Variants in INTS4 observed in about 807,000 individuals in gnomAD.
INTS4 encodes the protein integrator complex subunit 4, also known as MSTP093.
Under a neutral mutation model 119.5 loss-of-function variants are expected in INTS4, and 70 were observed. The ratio of observed to expected loss-of-function variants is 0.59; its 90% CI spans 0.48 to 0.71. The LOEUF is 0.71. Ranked by LOEUF, INTS4 falls within the 30% of genes least tolerant of loss-of-function variation. The probability of loss-of-function intolerance (pLI) is 0.00; values close to 1 mark genes in which losing one functional copy is unlikely to be tolerated. For missense variants in INTS4, 867 were observed against 1,173.2 expected, an observed-to-expected ratio of 0.74 and a Z score of 3.81; for synonymous variants, 316 against 419.6, an observed-to-expected ratio of 0.75 and a Z score of 3.02.
chr11:77,929,089 A>G (rs1398216968), intron 10 of INTS4, among the ~76,000 whole-genome samples: 1 of 151,928 alleles, frequency 6.6e-6, no homozygotes, highest in African/African-American at 2.4e-5. Flanking sequence ...GCCATACACC[A>G]AAGTCCCAGC....
At chr11:77,919,039 C>T (rs1047691613) in intron 14 of INTS4, 61 bp from the exon 15 acceptor site, 273 of 1,557,074 alleles carry the variant, frequency 1.8e-4, no homozygotes, top group Non-Finnish European at 2.3e-4. Context: ...GTAACACACA[C>T]ACAAACACAT....
intron 18 of INTS4, among the ~76,000 whole-genome samples, chr11:77,900,353 C>A (rs113633525): frequency 2.0e-5 from 3 of 152,248 alleles, no homozygotes; most frequent in East Asian, 1.9e-4. Flanking sequence ...CCCACCTTGG[C>A]CTCCCAAAGT....
chr11:77,877,110 C>T (rs796526678), downstream of INTS4: 19 of 695,176 alleles, frequency 2.7e-5, no homozygotes, highest in East Asian at 2.7e-4. Context: ...GTCCCTCTTT[C>T]GCACTCATGA....
In INTS4 at chr11:77,894,325, A is replaced by G; in HGVS notation, c.2253T>C (p.Cys751=). The G allele has an allele frequency of 1.3e-6, 2 of 1,565,412 alleles. No individual in the cohort carries two copies. Among genetic ancestry groups the G allele is most frequent in the Non-Finnish European group, 1.8e-6 (2 of 1,142,460 alleles). Residue 751 remains cysteine (C), a synonymous_variant, in exon 19 of 23, where the codon TGT becomes TGC. Coordinates refer to ENST00000534064, the MANE Select transcript of INTS4 (RefSeq NM_033547.4). The part of the protein sequence containing the change: ...TRGLDPLFGM[C]EKFLQEVDFF... ...AGTCTACTTCCTGTAAAAATTTTTCACACATCCCAAATAAGGGGTCAAGTC... is the reference window on the plus strand; with the variant it reads ...AGTCTACTTCCTGTAAAAATTTTTCGCACATCCCAAATAAGGGGTCAAGTC...
At chr11:77,876,189 A>G (rs1156624760), downstream of INTS4, among the ~76,000 whole-genome samples, 1 of 152,184 alleles carries the variant, frequency 6.6e-6, no homozygotes, top group African/African-American at 2.4e-5. Context: ...CGTGCCAAAC[A>G]GGTTTCTGGC....
chr11:77,931,963 A>C (rs1212615760), intron 10 of INTS4, among the ~76,000 whole-genome samples: 1 of 152,154 alleles, frequency 6.6e-6, no homozygotes, highest in Non-Finnish European at 1.5e-5. Flanking sequence ...AGACTTAAAC[A>C]TAAGACCTAA....
At chr11:77,900,817 A>G in intron 18 of INTS4, 1 of 586,386 alleles carries the variant, frequency 1.7e-6, no homozygotes, top group South Asian at 2.1e-5. Flanking sequence ...TACAGATATA[A>G]TTACACTGAG....
chr11:77,948,662 AAAAAACAAAAAAAAAAAAG>A (rs1191777749), intron 8 of INTS4, among the ~76,000 whole-genome samples: 3 of 79,536 alleles, frequency 3.8e-5, no homozygotes, highest in African/African-American at 1.8e-4. Context: ...AACAAAAAAA[AAAAAACAAAAAAAAAAAAG>A]AAGAAGAAGA....
intron 2 of INTS4, among the ~76,000 whole-genome samples, chr11:77,982,399 A>G (rs1475583666): frequency 6.6e-6 from 1 of 151,982 alleles, no homozygotes; most frequent in Non-Finnish European, 1.5e-5. Context: ...TGGCTTCCCA[A>G]AATGCTGGAA....
chr11:77,882,783 A>C (rs1951842826), intron 22 of INTS4, among the ~76,000 whole-genome samples: 1 of 152,126 alleles, frequency 6.6e-6, no homozygotes, highest in Non-Finnish European at 1.5e-5. Context: ...GGAAACCATT[A>C]ATAAAGGCCC....
intron 15 of INTS4, among the ~76,000 whole-genome samples, chr11:77,908,511 T>C (rs1028484074): frequency 5.3e-5 from 8 of 152,124 alleles, no homozygotes; most frequent in African/African-American, 1.9e-4. Context: ...GTATTTTTAG[T>C]AGAGACAGGG....
At chr11:77,992,186 C>A (rs567759093) in intron 1 of INTS4, among the ~76,000 whole-genome samples, 3 of 151,924 alleles carry the variant, frequency 2.0e-5, no homozygotes, top group Non-Finnish European at 4.4e-5. Flanking sequence ...TCACTTGAGG[C>A]CAGGAGTTCA....
In INTS4 at chr11:77,924,742, G is replaced by C. The variant is rs1231816351; in HGVS notation, c.1514+8C>G. The C allele has an allele frequency of 6.2e-7, 1 of 1,604,700 alleles. No individual in the cohort carries two copies. Among genetic ancestry groups the C allele is most frequent in the African/African-American group, 1.3e-5 (1 of 74,778 alleles). On this transcript the variant is annotated splice_region_variant and intron_variant, in intron 12 of 22. Transcript: ENST00000534064. ...ACTCAGTGAGTAAATGGGCAAAAAA[G>C]TCATTACTTCCATATGGAGTCCCTA...
intron 18 of INTS4, among the ~76,000 whole-genome samples, chr11:77,896,394 G>A (rs1210685746): frequency 2.0e-5 from 3 of 152,200 alleles, no homozygotes; most frequent in Non-Finnish European, 4.4e-5. Context: ...GCTCACGCCT[G>A]TAATTCCAAC....
chr11:77,952,193 C>T (rs1019303631), intron 8 of INTS4, among the ~76,000 whole-genome samples: 3 of 152,174 alleles, frequency 2.0e-5, no homozygotes, highest in Non-Finnish European at 4.4e-5. Flanking sequence ...AGCTTTACCT[C>T]TTAGCTTGCA....
At chr11:77,923,381 T>C (rs547672290) in intron 12 of INTS4, among the ~76,000 whole-genome samples, 4 of 151,490 alleles carry the variant, frequency 2.6e-5, no homozygotes, top group South Asian at 2.1e-4. Context: ...TGGTAACCTG[T>C]TGAATGACGA....
intron 12 of INTS4, chr11:77,922,820 C>T: frequency 3.1e-6 from 1 of 322,280 alleles, no homozygotes; most frequent in Non-Finnish European, 5.9e-6. Context: ...GGTCTAAACC[C>T]ATCATGGCAA....
chr11:77,909,262 A>G (rs1392622683), intron 15 of INTS4, among the ~76,000 whole-genome samples: 1 of 152,274 alleles, frequency 6.6e-6, no homozygotes. Context: ...TAATCATACC[A>G]TATCTCCAAT....
chr11:77,972,305 C>T (rs1591128006), intron 4 of INTS4, among the ~76,000 whole-genome samples: 1 of 151,970 alleles, frequency 6.6e-6, no homozygotes, highest in East Asian at 1.9e-4. Flanking sequence ...TGCCATGTTG[C>T]CCAGGCTGGT....
Sources: allele counts gnomAD v4.1 joint callset (sites outside exome capture counted in the v4.1 genomes callset), GRCh38; gene constraint gnomAD v4.1.1; transcripts MANE v1.5; gene names NCBI Gene and HGNC (gene_info 2026-07-23, HGNC 2026-07-21).